Variants in DENND4C observed in about 807,000 individuals in gnomAD.
DENND4C encodes DENN domain-containing protein 4C.
A neutral mutation model predicts 203.0 loss-of-function variants in DENND4C; 108 were observed. That is an observed-to-expected ratio of 0.53 (90% CI 0.46 to 0.62). The LOEUF is 0.62. Ranked by LOEUF, DENND4C falls within the 20% of genes least tolerant of loss-of-function variation. The probability of loss-of-function intolerance (pLI) is 0.00; values close to 1 mark genes in which losing one functional copy is unlikely to be tolerated. For missense variants in DENND4C, 2,481 were observed against 2,301.2 expected (o/e 1.08, Z -1.60); for synonymous variants, 871 against 792.4 (o/e 1.10, Z -1.67).
intron 1 of DENND4C, among the ~76,000 whole-genome samples, chr9:19,261,134 C>A (rs975931794): frequency 6.6e-6 from 1 of 152,040 alleles, no homozygotes; most frequent in African/African-American, 2.4e-5. Context: ...TCCTCAATGT[C>A]TGTTCCTACC....
chr9:19,278,300 T>TA (rs1244645403), intron 2 of DENND4C, among the ~76,000 whole-genome samples: 2 of 152,104 alleles, frequency 1.3e-5, no homozygotes, highest in Admixed American at 1.3e-4. Flanking sequence ...TATGCCTGGC[T>TA]AATTTTTGTA....
intron 1 of DENND4C, among the ~76,000 whole-genome samples, chr9:19,267,846 T>C (rs1441050697): frequency 6.6e-6 from 1 of 152,144 alleles, no homozygotes; most frequent in African/African-American, 2.4e-5. Flanking sequence ...GCCTGTTTCT[T>C]GTAGGCCGCA....
intron 10 of DENND4C, among the ~76,000 whole-genome samples, chr9:19,313,852 A>AG (rs568300463): frequency 9.3e-4 from 142 of 152,300 alleles, no homozygotes; most frequent in Admixed American, 9.3e-3. Context: ...ATGAATTCTC[A>AG]GGGGAGATCC....
chr9:19,350,348 C>G (rs1823814853), intron 23 of DENND4C, among the ~76,000 whole-genome samples: 1 of 152,196 alleles, frequency 6.6e-6, no homozygotes, highest in South Asian at 2.1e-4. Flanking sequence ...CACAATCTGG[C>G]TGTCTGATTC....
rs1336049919 is a variant in DENND4C at position 19,260,557 on chromosome 9, C to G, written c.-17-15601C>G. Among the ~76,000 whole-genome samples the G allele has an allele frequency of 2.2e-4, 34 of 151,880 alleles. 1 individual carries two copies. Among genetic ancestry groups the G allele is most frequent in the Admixed American group, 2.2e-3 (34 of 15,200 alleles). On this transcript the variant is annotated intron_variant, in intron 1 of 32. Transcript: ENST00000434457. ...GATCTACAGGTGTGTGCCATCACAC[C>G]CGGCTAATTTTTGTATTTTTAGTAG... is the stretch of plus-strand genomic sequence containing the variant.
intron 1 of DENND4C, among the ~76,000 whole-genome samples, chr9:19,240,214 G>A (rs1473159745): frequency 6.6e-6 from 1 of 152,066 alleles, no homozygotes; most frequent in Non-Finnish European, 1.5e-5. Flanking sequence ...GATCCTAGAT[G>A]GTGTAGCATG....
chr9:19,316,823 A>T lies in DENND4C; in HGVS notation c.1791A>T (p.Ser597=). Residue 597 remains serine (S), a synonymous_variant, in exon 12 of 33, where the codon TCA becomes TCT. Transcript: ENST00000434457. ...CAAATAAAGCCACAGCTGCTGATTC[A>T]TTGTTTGACCGACAGGGTGAGTAGC... ...APSNKATAAD[S]LFDRQGFLKS... 6.2e-7 allele frequency: 1 copy of T among 1,613,208 alleles called. No homozygotes were observed. The highest frequency in any genetic ancestry group is 8.5e-7 in the Non-Finnish European group (1 of 1,179,694).
intron 27 of DENND4C, 83 bp downstream of exon 27, chr9:19,357,237 TCATA>T: frequency 7.4e-7 from 1 of 1,346,910 alleles, no homozygotes; most frequent in Non-Finnish European, 1.0e-6. Flanking sequence ...ACAACCTGAC[TCATA>T]TAGGCATAAG....
intron 1 of DENND4C, among the ~76,000 whole-genome samples, chr9:19,244,991 A>C (rs1205273435): frequency 1.3e-5 from 2 of 152,162 alleles, no homozygotes; most frequent in African/African-American, 4.8e-5. Flanking sequence ...CTTTATTAGA[A>C]GTTCTTCAGT....
At chr9:19,328,399 G>A (rs1405496243) in intron 16 of DENND4C, among the ~76,000 whole-genome samples, 1 of 152,164 alleles carries the variant, frequency 6.6e-6, no homozygotes, top group Non-Finnish European at 1.5e-5. Context: ...GATCACTTGA[G>A]GTCAGGAGTT....
intron 1 of DENND4C, among the ~76,000 whole-genome samples, chr9:19,257,318 T>A (rs1168767401): frequency 7.6e-5 from 11 of 144,282 alleles, no homozygotes; most frequent in African/African-American, 2.9e-4. Flanking sequence ...ATCACATCAC[T>A]ACACTCCAGC....
At chr9:19,342,519 A>G (rs1821886326) in intron 21 of DENND4C, 114 bp from the exon 22 acceptor site, 3 of 1,139,346 alleles carry the variant, frequency 2.6e-6, no homozygotes, top group Non-Finnish European at 3.6e-6. Flanking sequence ...TCTAAAGTAA[A>G]ATAGACACAC....
intron 30 of DENND4C, 54 bp from the exon 31 acceptor site, chr9:19,369,783 T>TA: frequency 1.0e-6 from 1 of 954,026 alleles, no homozygotes; most frequent in Non-Finnish European, 1.4e-6. Context: ...AAAAAAATAA[T>TA]AATAATAATA....
In DENND4C at chr9:19,328,110, C is replaced by T. The variant is rs749811218; in HGVS notation, c.2201C>T (p.Thr734Ile). ...ELKLCFSRHP[T>I]GNSITKSPPL... is the part of the protein sequence containing the mutation. Reference sequence around the variant, plus strand: ...AAACTTTGTTTTAGTAGACACCCTACTGGGAATAGCATTACAAAGAGTCCA... The same window carrying T: ...AAACTTTGTTTTAGTAGACACCCTATTGGGAATAGCATTACAAAGAGTCCA... Residue 734 changes from threonine to isoleucine, a missense_variant, in exon 16 of 33, where the codon ACT becomes ATT. Physicochemically the swap from Thr to Ile is moderately conservative, Grantham distance 89 (BLOSUM62 -1). Coordinates refer to ENST00000434457, the MANE Select transcript of DENND4C (RefSeq NM_001330640.2). 73 of 1,613,472 alleles carry T rather than the reference C, an allele frequency of 4.5e-5. No individual in the cohort carries two copies. The highest frequency in any genetic ancestry group is 6.7e-5 in the Admixed American group (4 of 59,954).
At chr9:19,311,955 A>G (rs187733931) in intron 10 of DENND4C, among the ~76,000 whole-genome samples, 19 of 152,340 alleles carry the variant, frequency 1.2e-4, no homozygotes, top group Non-Finnish European at 8.8e-5. Context: ...TTTATTTTGT[A>G]TGAAATCATG....
intron 10 of DENND4C, among the ~76,000 whole-genome samples, chr9:19,307,441 T>TTATACCTCCA (rs1313298653): frequency 3.0e-5 from 4 of 133,556 alleles, no homozygotes; most frequent in African/African-American, 1.1e-4. Context: ...TTATACAGAA[T>TTATACCTCCA]AATGTAAATA....
chr9:19,233,561 C>CTTTTT (rs11438629), intron 1 of DENND4C, among the ~76,000 whole-genome samples: 2 of 131,302 alleles, frequency 1.5e-5, no homozygotes, highest in Non-Finnish European at 3.1e-5. Flanking sequence ...TATTTGAAAC[C>CTTTTT]TTTTTTTTTT....
chr9:19,326,013 A>T (rs746765082), intron 14 of DENND4C, 39 bp downstream of exon 14: 2 of 1,609,108 alleles, frequency 1.2e-6, no homozygotes, highest in South Asian at 2.2e-5. Context: ...AAATTTCAGA[A>T]TTAGATCTTG....
At chr9:19,282,008 T>C (rs945153527) in intron 2 of DENND4C, among the ~76,000 whole-genome samples, 4 of 152,274 alleles carry the variant, frequency 2.6e-5, no homozygotes, top group East Asian at 3.9e-4. Flanking sequence ...TGAGTGAGTG[T>C]TGAGTGAATA....
Sources: gnomAD v4.1 joint callset for allele counts (sites outside exome capture counted in the v4.1 genomes callset) on GRCh38, gnomAD v4.1.1 for gene constraint, MANE v1.5 for transcripts, NCBI Gene and HGNC (gene_info 2026-07-23, HGNC 2026-07-21) for gene names.